Variants in POLN observed in about 807,000 individuals in gnomAD.
The protein encoded by POLN is DNA polymerase nu, also known as DNA polymerase N.
Under a neutral mutation model 113.5 loss-of-function variants are expected in POLN, and 108 were observed. The ratio of observed to expected loss-of-function variants is 0.95; its 90% CI spans 0.81 to 1.12. The LOEUF (loss-of-function observed/expected upper bound fraction) is 1.12, where lower values mean the gene tolerates loss of function less well. Among genes scored for constraint, POLN ranks in the 50% most tolerant of loss-of-function variants. The pLI is 0.00. For synonymous variants in POLN, 386 were observed against 391.5 expected (o/e 0.99, Z 0.17); for missense variants, 1,097 against 1,077.1 (o/e 1.02, Z -0.26).
At chr4:2,101,138 G>C (rs1287420510) in intron 19 of POLN, among the ~76,000 whole-genome samples, 2 of 151,438 alleles carry the variant, frequency 1.3e-5, no homozygotes, top group Non-Finnish European at 2.9e-5. Flanking sequence ...TTGAGTACAT[G>C]CCTAAACATG....
chr4:2,156,202 C>T (rs1366299946), intron 16 of POLN, among the ~76,000 whole-genome samples: 4 of 152,124 alleles, frequency 2.6e-5, no homozygotes. Context: ...CAGTTCTGCA[C>T]AGTGGATAAC....
intron 2 of POLN, among the ~76,000 whole-genome samples, chr4:2,233,900 A>G (rs1734667380): frequency 6.7e-6 from 1 of 148,530 alleles, no homozygotes; most frequent in Non-Finnish European, 1.5e-5. Flanking sequence ...TTAAAAAGCA[A>G]TCTGGCCATA....
At chr4:2,179,959 A>G (rs1560084295) in intron 7 of POLN, among the ~76,000 whole-genome samples, 2 of 152,196 alleles carry the variant, frequency 1.3e-5, no homozygotes, top group Non-Finnish European at 2.9e-5. Flanking sequence ...GCCTGAGCAC[A>G]CACGACACCC....
intron 2 of POLN, chr4:2,240,814 C>T (rs1236874580): frequency 6.2e-7 from 1 of 1,613,872 alleles, no homozygotes; most frequent in Non-Finnish European, 8.5e-7. Flanking sequence ...TTCACATTCC[C>T]ACAAAACCAC....
chr4:2,126,041 C>A lies in POLN; in HGVS notation c.1982+2072G>T, dbSNP rs1731570848. Reference sequence around the variant, plus strand: ...GAGGACAGAGGACAGGAGAGAACGACAAGAGGATGCCCTGCATACTGGGTG... The same window carrying A: ...GAGGACAGAGGACAGGAGAGAACGAAAAGAGGATGCCCTGCATACTGGGTG... On this transcript the variant is annotated intron_variant, in intron 19 of 25. Transcript: ENST00000511885. The surrounding 1 kb of genome is among the most constrained non-coding windows in gnomAD (Gnocchi z 4.6). Among the ~76,000 whole-genome samples, 1 of 152,170 alleles carries A rather than the reference C, an allele frequency of 6.6e-6. No individual in the cohort carries two copies. Among genetic ancestry groups the A allele is most frequent in the African/African-American group, 2.4e-5 (1 of 41,424 alleles).
chr4:2,160,674 G>C (rs1262596536), intron 13 of POLN, among the ~76,000 whole-genome samples: 1 of 152,128 alleles, frequency 6.6e-6, no homozygotes, highest in Non-Finnish European at 1.5e-5. Flanking sequence ...CTCCCAAGGT[G>C]TTGGTATTAC....
intron 19 of POLN, among the ~76,000 whole-genome samples, chr4:2,111,220 G>C (rs1382624950): frequency 1.3e-5 from 2 of 152,018 alleles, no homozygotes; most frequent in Non-Finnish European, 2.9e-5. Flanking sequence ...CAATAAATTA[G>C]GTATTGATGG....
chr4:2,213,624 C>T (rs574511970), intron 3 of POLN, among the ~76,000 whole-genome samples: 6 of 152,130 alleles, frequency 3.9e-5, no homozygotes, highest in Non-Finnish European at 7.3e-5. Flanking sequence ...GGAGTCTGTG[C>T]TCTTAACCAC....
intron 19 of POLN, among the ~76,000 whole-genome samples, chr4:2,113,962 C>T (rs577928962): frequency 2.0e-5 from 3 of 150,654 alleles, no homozygotes; most frequent in East Asian, 3.9e-4. Context: ...TGCAATGGTG[C>T]GATCACAGCT....
chr4:2,098,918 G>GCACA (rs4031130), intron 19 of POLN, among the ~76,000 whole-genome samples: 2 of 149,914 alleles, frequency 1.3e-5, no homozygotes, highest in South Asian at 2.1e-4. Context: ...ACGTGCGTGC[G>GCACA]CACACACACA....
intron 8 of POLN, 82 bp downstream of exon 8, chr4:2,179,226 T>C (rs1038044140): frequency 7.8e-7 from 1 of 1,283,274 alleles, no homozygotes; most frequent in African/African-American, 1.5e-5. Flanking sequence ...TTTTTACTAT[T>C]AGGCTATCAA....
chr4:2,172,254 C>A (rs1732879863), intron 11 of POLN, among the ~76,000 whole-genome samples: 1 of 152,142 alleles, frequency 6.6e-6, no homozygotes, highest in African/African-American at 2.4e-5. Context: ...AAAACAGGAA[C>A]TTGAATTGAA....
chr4:2,155,753 T>C (rs1034574878), intron 16 of POLN, among the ~76,000 whole-genome samples: 1 of 152,080 alleles, frequency 6.6e-6, no homozygotes, highest in African/African-American at 2.4e-5. Flanking sequence ...TAGATTCAAA[T>C]CAATATTAAT....
At chr4:2,128,278 G>A (rs543838782) in intron 18 of POLN, 51 bp from the exon 19 acceptor site, 35 of 1,247,866 alleles carry the variant, frequency 2.8e-5, no homozygotes, top group Middle Eastern at 1.9e-4. Flanking sequence ...AATGTTCCTC[G>A]TGTTTGCTGC....
chr4:2,231,867 TAC>T (rs1047890246), intron 2 of POLN: 5 of 747,228 alleles, frequency 6.7e-6, no homozygotes, highest in African/African-American at 3.6e-5. Flanking sequence ...GTGTTTATTA[TAC>T]ACAGTCTTCT....
intron 2 of POLN, among the ~76,000 whole-genome samples, chr4:2,233,504 T>C (rs563439139): frequency 6.6e-6 from 1 of 152,306 alleles, no homozygotes; most frequent in East Asian, 1.9e-4. Context: ...CATATGATTG[T>C]TTCTGGCCAG....
chr4:2,202,287 G>T (rs1242676092), intron 5 of POLN, among the ~76,000 whole-genome samples: 1 of 152,200 alleles, frequency 6.6e-6, no homozygotes, highest in African/African-American at 2.4e-5. Context: ...ACCATCTGCT[G>T]CCTTCAAGAG....
intron 19 of POLN, among the ~76,000 whole-genome samples, chr4:2,100,316 C>T (rs898356104): frequency 4.6e-5 from 7 of 152,020 alleles, no homozygotes; most frequent in African/African-American, 7.3e-5. Context: ...AAAAATTCCA[C>T]GGTAAATACA....
At chr4:2,144,728 C>A (rs1004542721) in intron 16 of POLN, among the ~76,000 whole-genome samples, 2 of 152,138 alleles carry the variant, frequency 1.3e-5, no homozygotes, top group African/African-American at 4.8e-5. Flanking sequence ...AGATGTAAGT[C>A]CCTGGTTTTA....
Sources: allele counts gnomAD v4.1 joint callset (sites outside exome capture counted in the v4.1 genomes callset), GRCh38; gene constraint gnomAD v4.1.1; non-coding constraint Gnocchi (gnomAD v3.1); transcripts MANE v1.5; gene names NCBI Gene and HGNC (gene_info 2026-07-23, HGNC 2026-07-21).